The following DDX10 variants were observed in gnomAD, a reference collection of about 807,000 sequenced individuals.
The protein encoded by DDX10 is DEAD-box helicase 10.
DDX10 carries 74 observed loss-of-function variants against 104.3 expected under a neutral mutation model. The observed-to-expected ratio is 0.71, with a 90% CI of 0.59 to 0.86. The LOEUF (loss-of-function observed/expected upper bound fraction) is 0.86, where lower values mean the gene tolerates loss of function less well. DDX10 is among the 40% of genes least tolerant of loss of function. The pLI, the probability that DDX10 is intolerant of heterozygous loss-of-function variation, is 0.00. For synonymous variants in DDX10, 351 were observed against 353.4 expected (o/e 0.99, Z 0.08); for missense variants, 952 against 1,040.0 (o/e 0.92, Z 1.16).
intron 16 of DDX10, among the ~76,000 whole-genome samples, chr11:108,900,931 C>T (rs921905012): frequency 1.3e-5 from 2 of 152,092 alleles, no homozygotes; most frequent in Non-Finnish European, 2.9e-5. Flanking sequence ...TATGCTGTAC[C>T]ATCACCTAAT....
At chr11:108,855,182 A>G (rs1862848675) in intron 16 of DDX10, among the ~76,000 whole-genome samples, 1 of 152,212 alleles carries the variant, frequency 6.6e-6, no homozygotes, top group Non-Finnish European at 1.5e-5. Context: ...TACAGATTTT[A>G]AACTAAGATC....
intron 13 of DDX10, chr11:108,767,940 A>G (rs958377755): frequency 2.0e-5 from 3 of 152,176 alleles, no homozygotes; most frequent in African/African-American, 4.8e-5. Flanking sequence ...TGTTCAGCCT[A>G]CTCAGTGTGA....
intron 10 of DDX10, among the ~76,000 whole-genome samples, chr11:108,714,217 A>G (rs2094288358): frequency 6.6e-6 from 1 of 152,046 alleles, no homozygotes; most frequent in African/African-American, 2.4e-5. Flanking sequence ...TGGAGTTTTT[A>G]TTTCTCAGAC....
intron 9 of DDX10, among the ~76,000 whole-genome samples, chr11:108,696,470 C>T (rs910416592): frequency 2.6e-5 from 4 of 152,160 alleles, no homozygotes; most frequent in Admixed American, 2.6e-4. Flanking sequence ...AGCCACAGTG[C>T]CCGGCGAGTA....
At chr11:108,688,069 G>C (rs2094247144) in intron 6 of DDX10, among the ~76,000 whole-genome samples, 4 of 152,074 alleles carry the variant, frequency 2.6e-5, no homozygotes, top group Non-Finnish European at 5.9e-5. Context: ...TTTTACAGTT[G>C]CATAATAATT....
intron 13 of DDX10, among the ~76,000 whole-genome samples, chr11:108,758,267 A>G (rs2094346883): frequency 6.6e-6 from 1 of 152,032 alleles, no homozygotes. Flanking sequence ...TGCTTATATT[A>G]TTTATTTTTA....
intron 13 of DDX10, among the ~76,000 whole-genome samples, chr11:108,798,647 A>G (rs1861978395): frequency 6.6e-6 from 1 of 152,144 alleles, no homozygotes; most frequent in South Asian, 2.1e-4. Context: ...TGAATATCAA[A>G]TCTTGTACGA....
intron 10 of DDX10, among the ~76,000 whole-genome samples, chr11:108,715,585 C>T (rs1291992024): frequency 6.6e-6 from 1 of 152,196 alleles, no homozygotes; most frequent in African/African-American, 2.4e-5. Flanking sequence ...TGGGAGACTA[C>T]TTTCTATCTG....
In DDX10 at chr11:108,723,182, G is replaced by C; in HGVS notation, c.1685G>C (p.Gly562Ala). 6.2e-7 allele frequency: 1 copy of C among 1,613,800 alleles called. No homozygotes were observed. The highest frequency in any genetic ancestry group is 8.5e-7 in the Non-Finnish European group (1 of 1,179,882). ...GAGAAAATGTCCATCCTTCAAAAAG[G>C]TGGAAAAAGACTCGAAGGGACAGAG... ...FNEKMSILQK[G>A]GKRLEGTEHR... The change falls in exon 13 of 18, where the codon GGT becomes GCT. Residue 562 changes from glycine (G) to alanine (A), a missense_variant. Around this residue, in one of 3 missense-constraint regions of DDX10, gnomAD observed 533 missense variants for 534.1 expected, o/e 1.00. Coordinates refer to ENST00000322536, the MANE Select transcript of DDX10 (RefSeq NM_004398.4).
At chr11:108,775,940 C>T (rs1258545124) in intron 13 of DDX10, among the ~76,000 whole-genome samples, 1 of 152,164 alleles carries the variant, frequency 6.6e-6, no homozygotes, top group Non-Finnish European at 1.5e-5. Flanking sequence ...TTTAGTTCAA[C>T]ACAGTGTTTA....
chr11:108,886,999 C>G (rs894978284), intron 16 of DDX10, among the ~76,000 whole-genome samples: 2 of 152,174 alleles, frequency 1.3e-5, no homozygotes, highest in Non-Finnish European at 2.9e-5. Context: ...AGTCACCATC[C>G]TTCTCTATTC....
chr11:108,675,872 A>T (rs1459641576), intron 3 of DDX10, 146 bp downstream of exon 3: 5 of 1,011,448 alleles, frequency 4.9e-6, no homozygotes, highest in Non-Finnish European at 7.3e-6. Context: ...CAGGAGCCAC[A>T]TGTGTGTCTT....
chr11:108,863,288 GATAAA>G (rs1862964282), intron 16 of DDX10, among the ~76,000 whole-genome samples: 1 of 152,024 alleles, frequency 6.6e-6, no homozygotes, highest in African/African-American at 2.4e-5. Context: ...TATGATTCCA[GATAAA>G]ATGTTAAACT....
chr11:108,827,467 G>A (rs1408363672), intron 13 of DDX10, among the ~76,000 whole-genome samples: 9 of 152,100 alleles, frequency 5.9e-5, no homozygotes, highest in Admixed American at 5.2e-4. Flanking sequence ...CTTAATTTAC[G>A]CATTCCCAAA....
chr11:108,717,941 T>C (rs193128456), intron 11 of DDX10, among the ~76,000 whole-genome samples: 6 of 152,232 alleles, frequency 3.9e-5, no homozygotes, highest in Non-Finnish European at 1.5e-5. Flanking sequence ...GGTGGATCAC[T>C]TGAGGCTGGG....
At chr11:108,830,549 G>A (rs1862455161) in intron 13 of DDX10, among the ~76,000 whole-genome samples, 1 of 151,966 alleles carries the variant, frequency 6.6e-6, no homozygotes, top group Non-Finnish European at 1.5e-5. Flanking sequence ...TCTTTCTCTT[G>A]TCTCATTGCT....
At chr11:108,871,916 G>A (rs1426340743) in intron 16 of DDX10, among the ~76,000 whole-genome samples, 1 of 114,312 alleles carries the variant, frequency 8.7e-6, no homozygotes, top group Non-Finnish European at 1.9e-5. Flanking sequence ...CCACAAGAGC[G>A]AAATTCTGCC....
rs1357244372 is a variant in DDX10 at position 108,897,285 on chromosome 11, C to T, written c.2305-20588C>T. Among the ~76,000 whole-genome samples the T allele has an allele frequency of 2.6e-5, 4 of 152,100 alleles. No homozygotes were observed. In the East Asian group the frequency reaches 7.7e-4, roughly 29 times the overall value. On this transcript the variant is annotated intron_variant, in intron 16 of 17. Coordinates refer to ENST00000322536, the MANE Select transcript of DDX10 (RefSeq NM_004398.4). The stretch of plus-strand genomic sequence containing the variant: ...TTTGCTTGGCAATATTCTCTAGGGT[C>T]TCAGCTTCCCAGCTGACTCTCCACA...
intron 10 of DDX10, among the ~76,000 whole-genome samples, chr11:108,709,586 CT>C (rs1350605294): frequency 6.6e-6 from 1 of 152,142 alleles, no homozygotes; most frequent in Non-Finnish European, 1.5e-5. Context: ...TGTTCATAAT[CT>C]TTTTATCCTT....
Sources: allele counts gnomAD v4.1 joint callset (sites outside exome capture counted in the v4.1 genomes callset), GRCh38; gene constraint gnomAD v4.1.1; regional missense constraint gnomAD v4.1.1; transcripts MANE v1.5; gene names NCBI Gene and HGNC (gene_info 2026-07-23, HGNC 2026-07-21).